EFTUD2: variants seen among roughly 807,000 people sequenced by gnomAD.
EFTUD2 encodes 116 kDa U5 small nuclear ribonucleoprotein component.
In EFTUD2, 9 loss-of-function variants were observed where a neutral mutation model predicts 114.3. The observed-to-expected ratio is 0.08, with a 90% CI of 0.05 to 0.14. The LOEUF is 0.14. Ranked by LOEUF, EFTUD2 falls within the 10% of genes least tolerant of loss-of-function variation. The pLI is 1.00. For synonymous variants in EFTUD2, 449 were observed against 462.3 expected, an observed-to-expected ratio of 0.97 and a Z score of 0.37; for missense variants, 765 against 1,241.2, an observed-to-expected ratio of 0.62 and a Z score of 5.76.
intron 2 of EFTUD2, among the ~76,000 whole-genome samples, chr17:44,891,672 A>G (rs952443232): frequency 6.6e-6 from 1 of 152,098 alleles, no homozygotes; most frequent in Non-Finnish European, 1.5e-5. Context: ...TATTTTAAAA[A>G]TTTTTTTGTT....
chr17:44,868,316 G>A lies in EFTUD2; in HGVS notation c.1029C>T (p.Leu343=). 1 of 1,614,014 alleles carries A rather than the reference G, an allele frequency of 6.2e-7. No individual in the cohort carries two copies. The highest frequency in any genetic ancestry group is 8.5e-7 in the Non-Finnish European group (1 of 1,179,952). ...TAGGGTTGAAGTAGATGTCACCCCA[G>A]AGTCTTTTAGCAAATTCTTGGTAAT... ...DINYQEFAKR[L]WGDIYFNPKT... Residue 343 remains leucine, a synonymous_variant, in exon 12 of 28, where the codon CTC becomes CTT. Transcript: ENST00000426333.
Position 44,885,294 on chromosome 17 carries a change from C to T in EFTUD2, c.312G>A (p.Leu104=), listed in dbSNP as rs1400695086. ...IKPVKTKKFT[L]MEQTLPVTVY... The stretch of plus-strand genomic sequence containing the variant: ...CCGTAACAGGTAATGTCTGCTCCAT[C>T]AGAGTGAATTTCTTGGTTTTCACTG... The change falls in exon 4 of 28, where the codon CTG becomes CTA. Residue 104 remains leucine (L), a synonymous_variant. Coordinates refer to ENST00000426333, the MANE Select transcript of EFTUD2 (RefSeq NM_004247.4). 1.2e-6 allele frequency: 2 copies of T among 1,613,850 alleles called. No individual in the cohort carries two copies. Among genetic ancestry groups the T allele is most frequent in the South Asian group, 1.1e-5 (1 of 91,080 alleles).
At chr17:44,888,527 G>T (rs2051217474) in intron 2 of EFTUD2, among the ~76,000 whole-genome samples, 1 of 152,160 alleles carries the variant, frequency 6.6e-6, no homozygotes, top group Non-Finnish European at 1.5e-5. Flanking sequence ...ATTAGTTAGG[G>T]GGCTACTGCA....
intron 2 of EFTUD2, among the ~76,000 whole-genome samples, chr17:44,887,577 C>A (rs1366205091): frequency 6.6e-6 from 1 of 152,104 alleles, no homozygotes; most frequent in African/African-American, 2.4e-5. Context: ...AGAGGCCAGA[C>A]TGAAAAAGCT....
Position 44,872,522 on chromosome 17 carries a change from G to A in EFTUD2, c.918C>T (p.Asn306=), listed in dbSNP as rs749751085. Residue 306 remains asparagine, a synonymous_variant, in exon 11 of 28, where the codon AAC becomes AAT. Transcript: ENST00000426333. ...TGTACTGGGAGCTGGAGAAGCAGACGTTACCCAGGAGTGGGGAAAGGATCA... is the reference window on the plus strand; with the variant it reads ...TGTACTGGGAGCTGGAGAAGCAGACATTACCCAGGAGTGGGGAAAGGATCA... ...ENLILSPLLG[N]VCFSSSQYSI... is the part of the protein sequence containing the mutation. The A allele has an allele frequency of 5.6e-6, 9 of 1,613,282 alleles. No homozygotes were observed. The highest frequency in any genetic ancestry group is 1.3e-5 in the African/African-American group (1 of 75,022).
Position 44,868,193 on chromosome 17 carries a change from G to T in EFTUD2, c.1058+94C>A. 4.5e-6 allele frequency: 5 copies of T among 1,105,606 alleles called. No homozygotes were observed. In the South Asian group the frequency reaches 5.4e-5, roughly 12 times the overall value. 68.5% of individuals were successfully genotyped at this position (1,105,606 alleles called of 1,614,324 possible). On this transcript the variant is annotated intron_variant, in intron 12 of 27. Transcript: ENST00000426333. ...TACATTAAAAAAAAAAAAAAAAGTA[G>T]GTATTTAATCTTTGAACTCAGAGAA...
At position 44,886,727 on chromosome 17, in the gene EFTUD2, ATCGTCG is replaced by A; in HGVS notation, c.123_128del (p.Asp43_Asp44del). 5 of 1,613,910 alleles carry A rather than the reference ATCGTCG, an allele frequency of 3.1e-6. No homozygotes were observed. The highest frequency in any genetic ancestry group is 1.1e-5 in the South Asian group (1 of 91,076). On this transcript the variant is annotated inframe_deletion, in exon 3 of 28. Transcript: ENST00000426333. ...GGTCATCGTCATGATCTCCTACGTC[ATCGTCG>A]TCGTCATCATCATCCATCTGAAAGC...
intron 13 of EFTUD2, among the ~76,000 whole-genome samples, chr17:44,866,281 C>T (rs2050745035): frequency 6.6e-6 from 1 of 152,222 alleles, no homozygotes; most frequent in South Asian, 2.1e-4. Flanking sequence ...CTCACTCCAT[C>T]ACTCAGGCTG....
chr17:44,881,848 G>GAGAGAGA, intron 6 of EFTUD2, 126 bp from the exon 7 acceptor site: 1 of 836,108 alleles, frequency 1.2e-6, no homozygotes. Context: ...GAGAGAGAGA[G>GAGAGAGA]CAGGGTGTCC....
In EFTUD2 at chr17:44,883,077, C is replaced by T. The variant is rs762676687; in HGVS notation, c.492+16G>A. 6.2e-7 allele frequency: 1 copy of T among 1,613,910 alleles called. No homozygotes were observed. ...TGAATGGTTCATCCTAAACCCTCAA[C>T]AGAAGTTCTACTTACATCTTGGTCA... On this transcript the variant is annotated intron_variant, in intron 6 of 27. Coordinates refer to ENST00000426333, the MANE Select transcript of EFTUD2 (RefSeq NM_004247.4).
At chr17:44,882,894 T>G (rs1411440379) in intron 6 of EFTUD2, among the ~76,000 whole-genome samples, 199 bp downstream of exon 6, 1 of 152,222 alleles carries the variant, frequency 6.6e-6, no homozygotes, top group Non-Finnish European at 1.5e-5. Context: ...CCAAAAATAC[T>G]GCAGCTCAAT....
chr17:44,883,548 C>T (rs746499363), intron 5 of EFTUD2, 101 bp downstream of exon 5: 133 of 1,099,826 alleles, frequency 1.2e-4, no homozygotes, highest in Non-Finnish European at 1.8e-4. Context: ...GGAGGTTGAG[C>T]CTTGTGACCT....
intron 2 of EFTUD2, 26 bp from the exon 3 acceptor site, chr17:44,886,776 T>C: frequency 6.2e-7 from 1 of 1,602,874 alleles, no homozygotes; most frequent in East Asian, 2.2e-5. Context: ...AGAGGGAGAA[T>C]CGAAGAGGCA....
chr17:44,862,672 T>G (rs2050678933), intron 16 of EFTUD2, 41 bp downstream of exon 16: 3 of 1,574,342 alleles, frequency 1.9e-6, no homozygotes, highest in African/African-American at 1.3e-5. Context: ...AGCCCCTGGA[T>G]AGACACCAAG....
intron 2 of EFTUD2, 182 bp downstream of exon 2, chr17:44,894,235 T>G: frequency 1.8e-6 from 1 of 563,074 alleles, no homozygotes; most frequent in Non-Finnish European, 3.2e-6. Flanking sequence ...CTGGGCATGG[T>G]GGTGCATACC....
intron 3 of EFTUD2, 100 bp from the exon 4 acceptor site, chr17:44,885,434 T>A: frequency 1.2e-6 from 1 of 820,444 alleles, no homozygotes; most frequent in Non-Finnish European, 2.1e-6. Context: ...GTATGATGTA[T>A]GACATCAATT....
At chr17:44,879,701 G>A (rs2051034760) in intron 8 of EFTUD2, 63 bp from the exon 9 acceptor site, 2 of 1,522,902 alleles carry the variant, frequency 1.3e-6, no homozygotes, top group East Asian at 4.5e-5. Flanking sequence ...TAACTGGTAG[G>A]GTGAACTGAG....
In EFTUD2 at chr17:44,863,706, G is replaced by C; in HGVS notation, c.1362C>G (p.Thr454=). The C allele has an allele frequency of 6.2e-7, 1 of 1,614,158 alleles. No individual in the cohort carries two copies. Among genetic ancestry groups the C allele is most frequent in the Middle Eastern group, 1.6e-4 (1 of 6,062 alleles). Residue 454 remains threonine, a synonymous_variant, in exon 15 of 28, where the codon ACC becomes ACG. Transcript: ENST00000426333. The part of the protein sequence containing the change: ...GAKPKIEHTY[T]GGVDSDLGEA... ...CGCCGAGGTCGGAGTCCACACCACC[G>C]GTGTAGGTGTGCTCAATCTTGGGCT...
At chr17:44,864,643 C>T (rs2050713782) in intron 14 of EFTUD2, among the ~76,000 whole-genome samples, 1 of 152,192 alleles carries the variant, frequency 6.6e-6, no homozygotes, top group East Asian at 1.9e-4. Flanking sequence ...CCGGCTGCCC[C>T]CTGGAAAATA....
Sources: allele counts gnomAD v4.1 joint callset (sites outside exome capture counted in the v4.1 genomes callset), GRCh38; gene constraint gnomAD v4.1.1; transcripts MANE v1.5; gene names NCBI Gene and HGNC (gene_info 2026-07-23, HGNC 2026-07-21).